The following PLLP variants were observed in gnomAD, a reference collection of about 807,000 sequenced individuals.
PLLP encodes the protein plasmolipin.
In PLLP, 15 loss-of-function variants were observed where a neutral mutation model predicts 19.7. That is an observed-to-expected ratio of 0.76 (90% confidence interval 0.51 to 1.17). PLLP has a LOEUF of 1.17. Ranked by LOEUF, PLLP falls within the 50% of genes most tolerant of loss-of-function variation. PLLP has a pLI of 0.00. For missense variants in PLLP, 255 were observed against 258.3 expected, an observed-to-expected ratio of 0.99 and a Z score of 0.09; for synonymous variants, 111 against 116.3, an observed-to-expected ratio of 0.95 and a Z score of 0.29.
At chr16:57,275,506 CCAGA>C (rs1597964684) in intron 1 of PLLP, among the ~76,000 whole-genome samples, 1 of 151,408 alleles carries the variant, frequency 6.6e-6, no homozygotes, top group East Asian at 1.9e-4. Context: ...TTAATACATT[CCAGA>C]CAGATACAAC....
chr16:57,274,125 A>T (rs771986390), intron 1 of PLLP, among the ~76,000 whole-genome samples: 14 of 151,914 alleles, frequency 9.2e-5, no homozygotes, highest in Admixed American at 4.6e-4. Flanking sequence ...GAGCTGGGAC[A>T]GGCGCACACA....
At chr16:57,278,002 G>C (rs997428575) in intron 1 of PLLP, among the ~76,000 whole-genome samples, 1 of 152,050 alleles carries the variant, frequency 6.6e-6, no homozygotes, top group East Asian at 1.9e-4. Context: ...GGGACACTAC[G>C]GGTTACTCCA....
chr16:57,260,445 G>A (rs1292097532), intron 2 of PLLP, among the ~76,000 whole-genome samples: 6 of 152,050 alleles, frequency 3.9e-5, no homozygotes, highest in East Asian at 1.9e-4. Flanking sequence ...CCGCCTCCTC[G>A]CCCCAAAATC....
In PLLP at chr16:57,256,613, C is replaced by A. The variant is rs188156872; in HGVS notation, c.*300G>T. The A allele has an allele frequency of 2.7e-6, 1 of 372,714 alleles. No homozygotes were observed. The highest frequency in any genetic ancestry group is 4.7e-5 in the East Asian group (1 of 21,122). The allele number at this position is 372,714 out of a possible 1,614,324, so 23.1% of individuals were successfully genotyped here. A position where few individuals can be genotyped will look rare whatever the true frequency, so the allele number is the denominator to read the frequency against. ...GAGAAGGGTGGGCCCCAGTCTTGGA[C>A]GCTGAAGTCCTCTAAAGACAAGGCA... On this transcript the variant is annotated 3_prime_UTR_variant, in exon 4 of 4. Coordinates refer to ENST00000219207, the MANE Select transcript of PLLP (RefSeq NM_015993.3).
chr16:57,273,281 G>T (rs1402545892), intron 1 of PLLP, among the ~76,000 whole-genome samples: 2 of 151,840 alleles, frequency 1.3e-5, no homozygotes, highest in Non-Finnish European at 2.9e-5. Flanking sequence ...AGTTGGGGGG[G>T]CAATGCTCCC....
chr16:57,263,720 C>T (rs1460144478), intron 1 of PLLP, among the ~76,000 whole-genome samples: 1 of 151,050 alleles, frequency 6.6e-6, no homozygotes, highest in Non-Finnish European at 1.5e-5. Context: ...CCCAGCCCCT[C>T]CTACCCCCAC....
At chr16:57,268,070 G>A (rs1191067413) in intron 1 of PLLP, among the ~76,000 whole-genome samples, 1 of 152,212 alleles carries the variant, frequency 6.6e-6, no homozygotes, top group Admixed American at 6.5e-5. Flanking sequence ...CGAGAGTGAT[G>A]CATTTGTAAG....
intron 1 of PLLP, 91 bp downstream of exon 1, chr16:57,284,315 G>T: frequency 2.6e-6 from 3 of 1,158,648 alleles, no homozygotes; most frequent in Non-Finnish European, 3.3e-6. Flanking sequence ...CGCAAGGTTC[G>T]CGAAAAATGA....
chr16:57,272,689 T>C (rs1194899080), intron 1 of PLLP, among the ~76,000 whole-genome samples: 5 of 152,108 alleles, frequency 3.3e-5, no homozygotes, highest in African/African-American at 9.7e-5. Flanking sequence ...CAGTGGCTCA[T>C]ACCTGCAATC....
At chr16:57,269,316 G>A (rs1190671715) in intron 1 of PLLP, among the ~76,000 whole-genome samples, 1 of 152,152 alleles carries the variant, frequency 6.6e-6, no homozygotes, top group Admixed American at 6.6e-5. Flanking sequence ...CCTCACTTCC[G>A]GGGCAGCATC....
At chr16:57,257,084 T>C in intron 3 of PLLP, 55 bp from the exon 4 acceptor site, 1 of 1,256,466 alleles carries the variant, frequency 8.0e-7, no homozygotes, top group South Asian at 1.2e-5. Flanking sequence ...TGACACAAGC[T>C]CCAACCAGAT....
At chr16:57,269,590 C>T (rs11076182) in intron 1 of PLLP, among the ~76,000 whole-genome samples, 68,847 of 151,626 alleles carry the variant, frequency 0.45, 15,923 homozygotes, top group South Asian at 0.7. Flanking sequence ...GGAAGGCAGC[C>T]GGGGCCTAGA....
intron 1 of PLLP, among the ~76,000 whole-genome samples, chr16:57,266,456 C>A (rs555024781): frequency 6.6e-6 from 1 of 152,158 alleles, no homozygotes; most frequent in African/African-American, 2.4e-5. Flanking sequence ...AGACCCTGCT[C>A]GGAACAGGGC....
intron 1 of PLLP, among the ~76,000 whole-genome samples, chr16:57,273,235 G>A (rs373562747): frequency 5.1e-4 from 77 of 151,928 alleles, no homozygotes; most frequent in African/African-American, 1.8e-3. Context: ...ACTCCAGCCT[G>A]GGGGACAGAG....
Position 57,284,433 on chromosome 16 carries a change from G to A in PLLP, c.108C>T (p.Arg36=), listed in dbSNP as rs1289781705. 8 of 1,406,380 alleles carry A rather than the reference G, an allele frequency of 5.7e-6. No individual in the cohort carries two copies. In the East Asian group the frequency reaches 1.5e-4, roughly 27 times the overall value. The allele number at this position is 1,406,380 out of a possible 1,614,324, so 87.1% of individuals were successfully genotyped here. The change falls in exon 1 of 4, where the codon CGC becomes CGT. Residue 36 remains arginine (R), a synonymous_variant. Transcript: ENST00000219207. The part of the protein sequence containing the change: ...LRPDLGFVRS[R]LGALMLLQLV... ...GCTGCAGCAGCATGAGCGCCCCGAG[G>A]CGGGAGCGCACGAAGCCCAGGTCCG... is the stretch of plus-strand genomic sequence containing the variant.
At position 57,284,541 on chromosome 16, in the gene PLLP, G is replaced by A; in HGVS notation, c.-1C>T. ...TAACTTTCGACGGGAACTCGGCCAT[G>A]GCGGCTCCGCTTGCCTCCCGAGGTC... On this transcript the variant is annotated 5_prime_UTR_variant, in exon 1 of 4. Coordinates refer to ENST00000219207, the MANE Select transcript of PLLP (RefSeq NM_015993.3). 7.4e-7 allele frequency: 1 copy of A among 1,358,846 alleles called. No homozygotes were observed. The highest frequency in any genetic ancestry group is 9.5e-7 in the Non-Finnish European group (1 of 1,047,178). 84.2% of individuals were successfully genotyped at this position (1,358,846 alleles called of 1,614,324 possible). A position where few individuals can be genotyped will look rare whatever the true frequency, so the allele number is the denominator to read the frequency against.
intron 1 of PLLP, among the ~76,000 whole-genome samples, chr16:57,275,385 T>C (rs1410704505): frequency 1.3e-5 from 2 of 152,040 alleles, no homozygotes; most frequent in African/African-American, 4.8e-5. Flanking sequence ...ATATCACATA[T>C]ATAAGCTAAT....
intron 1 of PLLP, among the ~76,000 whole-genome samples, chr16:57,273,102 T>C (rs768458396): frequency 2.0e-5 from 3 of 148,556 alleles, no homozygotes; most frequent in Non-Finnish European, 4.5e-5. Flanking sequence ...ACTAAAAAAA[T>C]ACAAAAAATT....
intron 1 of PLLP, among the ~76,000 whole-genome samples, chr16:57,270,125 C>T (rs969903740): frequency 9.9e-5 from 15 of 152,148 alleles, no homozygotes; most frequent in African/African-American, 2.9e-4. Flanking sequence ...AACAACGTAA[C>T]GGCCAAAGGG....
Sources: allele counts gnomAD v4.1 joint callset (sites outside exome capture counted in the v4.1 genomes callset), GRCh38; gene constraint gnomAD v4.1.1; transcripts MANE v1.5; gene names NCBI Gene and HGNC (gene_info 2026-07-23, HGNC 2026-07-21).